The following KIAA1217 variants were observed in gnomAD, a reference collection of about 807,000 sequenced individuals.
KIAA1217 encodes the protein sickle tail protein homolog.
KIAA1217 carries 88 observed loss-of-function variants against 163.9 expected under a neutral mutation model. The ratio of observed to expected loss-of-function variants is 0.54; its 90% CI spans 0.45 to 0.64. The LOEUF is 0.64. KIAA1217 is among the 30% of genes least tolerant of loss of function. KIAA1217 has a pLI of 0.00. For missense variants in KIAA1217, 2,372 were observed against 2,475.0 expected (o/e 0.96, Z 0.88); for synonymous variants, 903 against 923.1 (o/e 0.98, Z 0.39).
chr10:24,215,983 C>T (rs1034389048), intron 1 of KIAA1217, among the ~76,000 whole-genome samples: 2 of 152,198 alleles, frequency 1.3e-5, no homozygotes, highest in African/African-American at 2.4e-5. Flanking sequence ...GTGGTTGATG[C>T]TTTTTGTACC....
intron 1 of KIAA1217, among the ~76,000 whole-genome samples, chr10:23,743,873 T>A (rs1437623473): frequency 6.7e-6 from 1 of 149,176 alleles, no homozygotes; most frequent in Non-Finnish European, 1.5e-5. Flanking sequence ...TAGGACCATG[T>A]TTTTGCGTGT....
intron 1 of KIAA1217, among the ~76,000 whole-genome samples, chr10:23,878,552 G>A (rs1457494759): frequency 6.6e-6 from 1 of 151,924 alleles, no homozygotes; most frequent in East Asian, 1.9e-4. Context: ...ACACAAATAA[G>A]TGAAAGATGT....
chr10:23,754,020 C>T (rs12780010), intron 1 of KIAA1217, among the ~76,000 whole-genome samples: 26,975 of 152,012 alleles, frequency 0.18, 2,486 homozygotes, highest in Middle Eastern at 0.26. Flanking sequence ...TCCCTGTTCT[C>T]ACTGGAGTTA....
chr10:23,834,482 C>T (rs1838357109), intron 1 of KIAA1217, among the ~76,000 whole-genome samples: 2 of 152,068 alleles, frequency 1.3e-5, no homozygotes, highest in African/African-American at 2.4e-5. Context: ...AGTCTCTTCC[C>T]TCATGAGCTG....
intron 2 of KIAA1217, among the ~76,000 whole-genome samples, chr10:24,092,919 G>GTA (rs1404512753): frequency 7.6e-6 from 1 of 131,998 alleles, no homozygotes; most frequent in African/African-American, 4.2e-5. Flanking sequence ...GTGTGTGTGT[G>GTA]TGTGTGTGTT....
chr10:23,715,972 C>T (rs1450606907), intron 1 of KIAA1217, among the ~76,000 whole-genome samples: 2 of 152,004 alleles, frequency 1.3e-5, no homozygotes, highest in Non-Finnish European at 2.9e-5. Context: ...GAATTTTTGC[C>T]TTAACAGTGA....
chr10:24,157,842 C>T (rs1242772854), intron 2 of KIAA1217: 1 of 519,544 alleles, frequency 1.9e-6, no homozygotes, highest in East Asian at 3.1e-5. Context: ...GCAATGGCAG[C>T]CTTTGCCATG....
chr10:24,337,294 T>G (rs2046462409), intron 2 of KIAA1217, among the ~76,000 whole-genome samples: 1 of 152,214 alleles, frequency 6.6e-6, no homozygotes, highest in African/African-American at 2.4e-5. Context: ...CAAATGTCCA[T>G]TAAGCACATG....
chr10:23,753,024 G>A (rs1833729600), intron 1 of KIAA1217, among the ~76,000 whole-genome samples: 1 of 152,120 alleles, frequency 6.6e-6, no homozygotes, highest in African/African-American at 2.4e-5. Flanking sequence ...TGAGATCATG[G>A]GTTTTTTGAA....
chr10:24,501,562 G>C lies in KIAA1217; in HGVS notation c.2001+17G>C. ...CAGCTCCAGGTATTCCTCATGCACG[G>C]CGGCCTCTGTCTCGGTTGCCCTGAG... On this transcript the variant is annotated intron_variant, in intron 9 of 20. Coordinates refer to ENST00000376454, the MANE Select transcript of KIAA1217 (RefSeq NM_019590.5). 1 of 1,604,674 alleles carries C rather than the reference G, an allele frequency of 6.2e-7. No homozygotes were observed. Among genetic ancestry groups the C allele is most frequent in the African/African-American group, 1.3e-5 (1 of 74,474 alleles).
intron 2 of KIAA1217, among the ~76,000 whole-genome samples, chr10:24,086,815 G>T (rs1034868263): frequency 6.6e-6 from 1 of 152,136 alleles, no homozygotes; most frequent in Non-Finnish European, 1.5e-5. Context: ...CTTTGCTCCT[G>T]GTTTCCTATG....
intron 1 of KIAA1217, among the ~76,000 whole-genome samples, chr10:23,845,591 T>C (rs1006851672): frequency 1.3e-5 from 2 of 152,180 alleles, no homozygotes; most frequent in Non-Finnish European, 2.9e-5. Flanking sequence ...TTTTTCTTTT[T>C]CTTGTAAATT....
intron 1 of KIAA1217, among the ~76,000 whole-genome samples, chr10:23,802,006 T>A (rs1836490344): frequency 1.3e-5 from 2 of 152,210 alleles, no homozygotes; most frequent in South Asian, 4.1e-4. Context: ...AGCCTCCAAC[T>A]GTAAAGACTG....
chr10:23,983,842 T>C (rs114060386), intron 1 of KIAA1217, among the ~76,000 whole-genome samples: 1,621 of 152,350 alleles, frequency 0.011, 33 homozygotes, highest in African/African-American at 0.037. Context: ...AATCTCATGA[T>C]TGACATTAGG....
In KIAA1217 at chr10:24,216,984, A is replaced by G. The variant is rs143635293; in HGVS notation, c.71-2642A>G. ...GAGGTAAAGGCTGCAGTGAGCCATG[A>G]TCATGCTACTGCATTCCAGCCTGGG... On this transcript the variant is annotated intron_variant, in intron 1 of 20. Transcript: ENST00000376454. Among the ~76,000 whole-genome samples the G allele has an allele frequency of 3.6e-3, 518 of 141,992 alleles. 12 individuals carry two copies. The East Asian group carries it at 0.06, about 16-fold the overall frequency. 93.2% of individuals were successfully genotyped at this position (141,992 alleles called of 152,430 possible).
chr10:24,158,797 G>A, intron 2 of KIAA1217: 1 of 447,494 alleles, frequency 2.2e-6, no homozygotes, highest in Non-Finnish European at 4.5e-6. Flanking sequence ...GGTAGTAGAA[G>A]ACCAAGGAGG....
At position 24,065,054 on chromosome 10, in the gene KIAA1217, A is replaced by G. The variant is rs193186934; in HGVS notation, c.-171+57680A>G. 3.2e-3 allele frequency among the ~76,000 whole-genome samples: 484 copies of G among 152,264 alleles called. 9 individuals carry two copies. The highest frequency in any genetic ancestry group is 0.027 in the Admixed American group (420 of 15,300). On this transcript the variant is annotated intron_variant, in intron 2 of 18. Transcript: ENST00000376462. ...TCTTTTCTTCTTTATTAGTCTGGCT[A>G]GCGGTCTATCAATTTTGTTGATCCT...
chr10:23,937,369 C>T (rs554323197), intron 1 of KIAA1217, among the ~76,000 whole-genome samples: 1 of 152,120 alleles, frequency 6.6e-6, no homozygotes, highest in Non-Finnish European at 1.5e-5. Context: ...GCACACTGAC[C>T]ACCCAGCCTT....
chr10:23,873,571 C>A (rs1840557657), intron 1 of KIAA1217, among the ~76,000 whole-genome samples: 1 of 151,940 alleles, frequency 6.6e-6, no homozygotes, highest in East Asian at 1.9e-4. Flanking sequence ...TTTTCCAGGG[C>A]CAAGACAAGG....
Sources: gnomAD v4.1 joint callset for allele counts (sites outside exome capture counted in the v4.1 genomes callset) on GRCh38, gnomAD v4.1.1 for gene constraint, MANE v1.5 for transcripts, NCBI Gene and HGNC (gene_info 2026-07-23, HGNC 2026-07-21) for gene names.